SUGP2: variants seen among roughly 807,000 people sequenced by gnomAD.
SUGP2 encodes SURP and G-patch domain containing 2, also known as SURP and G-patch domain-containing protein 2.
A neutral mutation model predicts 90.5 loss-of-function variants in SUGP2; 24 were observed. The observed-to-expected ratio is 0.27, with a 90% confidence interval of 0.19 to 0.37. The LOEUF (loss-of-function observed/expected upper bound fraction) is 0.37, where lower values mean the gene tolerates loss of function less well. Ranked by LOEUF, SUGP2 falls within the 10% of genes least tolerant of loss-of-function variation. The pLI is 1.00. For synonymous variants in SUGP2, 473 were observed against 513.4 expected (o/e 0.92, Z 1.06); for missense variants, 1,233 against 1,363.3 (o/e 0.90, Z 1.51).
intron 4 of SUGP2, among the ~76,000 whole-genome samples, chr19:19,018,369 T>C (rs961901941): frequency 2.0e-5 from 3 of 150,304 alleles, no homozygotes; most frequent in African/African-American, 7.4e-5. Flanking sequence ...GAAAGTACTA[T>C]ATTTAGGACG....
At chr19:19,001,044 C>T (rs1261438813) in intron 8 of SUGP2, among the ~76,000 whole-genome samples, 4 of 148,102 alleles carry the variant, frequency 2.7e-5, no homozygotes, top group Non-Finnish European at 5.9e-5. Flanking sequence ...GAGACGGAGT[C>T]TCACTCTGTC....
chr19:19,004,915 G>C (rs1038063715), intron 6 of SUGP2, among the ~76,000 whole-genome samples: 4 of 152,218 alleles, frequency 2.6e-5, no homozygotes, highest in Non-Finnish European at 5.9e-5. Context: ...TGCAGGGCTT[G>C]GGAAAATGCT....
intron 4 of SUGP2, among the ~76,000 whole-genome samples, chr19:19,015,724 C>T (rs999465229): frequency 3.9e-5 from 6 of 152,152 alleles, no homozygotes; most frequent in South Asian, 4.1e-4. Context: ...AGGCTGGTCT[C>T]GAACTCCCAA....
In SUGP2 at chr19:19,033,481, C is replaced by T. The variant is rs979287007; in HGVS notation, c.-56G>A. The T allele has an allele frequency of 1.9e-4, 267 of 1,410,170 alleles. 1 individual carries two copies. Among genetic ancestry groups the T allele is most frequent in the Non-Finnish European group, 2.3e-4 (247 of 1,081,222 alleles). The allele number at this position is 1,410,170 out of a possible 1,614,324, so 87.4% of individuals were successfully genotyped here. A position where few individuals can be genotyped will look rare whatever the true frequency, so the allele number is the denominator to read the frequency against. Reference sequence around the variant, plus strand: ...GAGCCACCCCCGCCGCCGCCTCAGGCTCCTCACCCGCCGCCGCCGCCGCGC... The same window carrying T: ...GAGCCACCCCCGCCGCCGCCTCAGGTTCCTCACCCGCCGCCGCCGCCGCGC... On this transcript the variant is annotated 5_prime_UTR_variant, in exon 1 of 11. Coordinates refer to ENST00000452918, the MANE Select transcript of SUGP2 (RefSeq NM_001017392.5).
At chr19:19,013,332 A>C (rs757080302) in intron 4 of SUGP2, among the ~76,000 whole-genome samples, 7 of 152,136 alleles carry the variant, frequency 4.6e-5, no homozygotes, top group Non-Finnish European at 8.8e-5. Flanking sequence ...TTGCCTAAAC[A>C]ATTCTCTACA....
intron 8 of SUGP2, 97 bp downstream of exon 8, chr19:19,001,516 T>A (rs2057832179): frequency 8.0e-7 from 1 of 1,253,136 alleles, no homozygotes; most frequent in Admixed American, 1.8e-5. Context: ...GTTTGAAATG[T>A]TAGCACAGCT....
At chr19:19,006,957 T>C (rs1225342736) in intron 6 of SUGP2, among the ~76,000 whole-genome samples, 2 of 152,214 alleles carry the variant, frequency 1.3e-5, no homozygotes, top group African/African-American at 2.4e-5. Context: ...CTCTGAGAAA[T>C]GCACGTTTTC....
In SUGP2 at chr19:19,025,235, AC is replaced by A. The variant is rs1371672253; in HGVS notation, c.1112del (p.Cys371PhefsTer3). On this transcript the variant is annotated frameshift_variant, in exon 3 of 11. Transcript: ENST00000452918. LOFTEE classifies it high-confidence loss of function. Reference protein sequence around the residue: ...TCAKMLASFKCSLKPEHRDFC... With the variant: ...TCAKMLASFKXSLKPEHRDFC... Reference sequence around the variant, plus strand: ...AATCTCTGTGCTCTGGTTTTAAGGAACATTTGAATGAGGCAAGCATTTTAGC... The same window carrying A: ...AATCTCTGTGCTCTGGTTTTAAGGAAATTTGAATGAGGCAAGCATTTTAGC... The A allele has an allele frequency of 6.2e-7, 1 of 1,613,224 alleles. No homozygotes were observed. The highest frequency in any genetic ancestry group is 8.5e-7 in the Non-Finnish European group (1 of 1,180,024).
chr19:19,014,200 C>T (rs769874634), intron 4 of SUGP2, among the ~76,000 whole-genome samples: 3 of 152,112 alleles, frequency 2.0e-5, no homozygotes, highest in Non-Finnish European at 2.9e-5. Context: ...ATCATGTTGG[C>T]CAGGCTGGTC....
intron 1 of SUGP2, 59 bp from the exon 2 acceptor site, chr19:19,031,141 C>G: frequency 1.3e-6 from 2 of 1,562,830 alleles, no homozygotes; most frequent in Admixed American, 3.8e-5. Context: ...GGCGCGGTGG[C>G]TCATACCTGT....
In SUGP2 at chr19:19,025,569, C is replaced by T. The variant is rs759570294; in HGVS notation, c.779G>A (p.Arg260His). 12 of 1,613,830 alleles carry T rather than the reference C, an allele frequency of 7.4e-6. No homozygotes were observed. The highest frequency in any genetic ancestry group is 1.0e-5 in the Non-Finnish European group (12 of 1,180,010). ...VSTKKIPTVN[R>H]ITPKTQGTNQ... ...AGTGCCCTGAGTTTTGGGAGTAATA[C>T]GATTCACGGTGGGTATTTTTTTTGT... Residue 260 changes from arginine (R) to histidine (H), a missense_variant, in exon 3 of 11, where the codon CGT (arginine) becomes CAT (histidine). By Grantham distance (29) the Arg-to-His change is conservative. Coordinates refer to ENST00000452918, the MANE Select transcript of SUGP2 (RefSeq NM_001017392.5).
intron 3 of SUGP2, among the ~76,000 whole-genome samples, chr19:19,024,221 C>T (rs2058836753): frequency 6.6e-6 from 1 of 152,202 alleles, no homozygotes; most frequent in Non-Finnish European, 1.5e-5. Context: ...GTGGATTCTC[C>T]TAACTCAGCC....
chr19:19,018,423 C>T (rs887491440), intron 4 of SUGP2, among the ~76,000 whole-genome samples: 1 of 150,516 alleles, frequency 6.6e-6, no homozygotes, highest in African/African-American at 2.4e-5. Context: ...CGCGGTGGCT[C>T]ACGCCTGTAA....
intron 5 of SUGP2, among the ~76,000 whole-genome samples, chr19:19,009,357 G>C (rs1013771319): frequency 2.7e-5 from 4 of 146,482 alleles, no homozygotes; most frequent in Non-Finnish European, 5.9e-5. Flanking sequence ...CTGTGGTACA[G>C]AGAGAAAGAA....
chr19:18,998,217 C>T (rs887376676), intron 8 of SUGP2, among the ~76,000 whole-genome samples: 1 of 152,244 alleles, frequency 6.6e-6, no homozygotes, highest in African/African-American at 2.4e-5. Context: ...TCAGCTTCAA[C>T]CACCTGGCCC....
chr19:19,006,492 T>C (rs1023231786), intron 6 of SUGP2, among the ~76,000 whole-genome samples: 1 of 151,906 alleles, frequency 6.6e-6, no homozygotes, highest in African/African-American at 2.4e-5. Context: ...CTGTCACAGA[T>C]GGGGAGGAAT....
In SUGP2 at chr19:19,025,135, T is replaced by A. The variant is rs756735961; in HGVS notation, c.1213A>T (p.Met405Leu). ...TTCACAGCACCTTTGTCTAAAAGCA[T>A]GTTTAAAAACTCATTATCAACTCTG... The part of the protein sequence containing the change: ...TPRVDNEFLN[M>L]LLDKGAVKTK... The change falls in exon 3 of 11, where the codon ATG becomes TTG. Residue 405 changes from methionine (M) to leucine (L), a missense_variant. Met to Leu is a conservative substitution (Grantham distance 15). Coordinates refer to ENST00000452918, the MANE Select transcript of SUGP2 (RefSeq NM_001017392.5). 6.2e-7 allele frequency: 1 copy of A among 1,613,176 alleles called. No homozygotes were observed. The highest frequency in any genetic ancestry group is 1.1e-5 in the South Asian group (1 of 90,774).
chr19:19,001,639 G>A lies in SUGP2; in HGVS notation c.2965C>T (p.Arg989Trp), dbSNP rs764314944. 1.6e-5 allele frequency: 26 copies of A among 1,614,102 alleles called. No homozygotes were observed. The highest frequency in any genetic ancestry group is 6.7e-5 in the East Asian group (3 of 44,896). The change falls in exon 8 of 11, where the codon CGG (arginine) becomes TGG (tryptophan). Residue 989 changes from arginine to tryptophan, a missense_variant. Around this residue, in one of 8 missense-constraint regions of SUGP2, gnomAD observed 105 missense variants for 155.2 expected, o/e 0.68. Transcript: ENST00000452918. Reference protein sequence around the residue: ...EPVRIAYDRPRGRPMSKKKKP... With the variant: ...EPVRIAYDRPWGRPMSKKKKP... Reference sequence around the variant, plus strand: ...TTCTTTTTGGACATGGGACGACCCCGAGGCCTGTCATAGGCAATTCGAACT... The same window carrying A: ...TTCTTTTTGGACATGGGACGACCCCAAGGCCTGTCATAGGCAATTCGAACT...
intron 4 of SUGP2, among the ~76,000 whole-genome samples, chr19:19,011,611 G>C (rs1401926113): frequency 6.6e-6 from 1 of 152,076 alleles, no homozygotes; most frequent in Non-Finnish European, 1.5e-5. Context: ...TTTTATTTTG[G>C]TTGTTGCTGG....
Sources: allele counts gnomAD v4.1 joint callset (sites outside exome capture counted in the v4.1 genomes callset), GRCh38; gene constraint gnomAD v4.1.1; regional missense constraint gnomAD v4.1.1; transcripts MANE v1.5; gene names NCBI Gene and HGNC (gene_info 2026-07-23, HGNC 2026-07-21).